Variants in HCN1 observed in about 807,000 individuals in gnomAD.
The protein encoded by HCN1 is potassium/sodium hyperpolarization-activated cyclic nucleotide-gated channel 1.
HCN1 carries 13 observed loss-of-function variants against 78.9 expected under a neutral mutation model. The observed-to-expected ratio is 0.16, with a 90% CI of 0.11 to 0.26. The LOEUF is 0.26. Among genes scored for constraint, HCN1 ranks in the 10% least tolerant of loss-of-function variants. The probability of loss-of-function intolerance (pLI) is 1.00; values close to 1 mark genes in which losing one functional copy is unlikely to be tolerated. For missense variants in HCN1, 810 were observed against 1,154.3 expected (o/e 0.70, Z 4.32); for synonymous variants, 552 against 455.5 (o/e 1.21, Z -2.70).
intron 5 of HCN1, among the ~76,000 whole-genome samples, chr5:45,349,723 C>T (rs1009929605): frequency 6.6e-5 from 10 of 151,968 alleles, no homozygotes; most frequent in Non-Finnish European, 1.2e-4. Context: ...ATACAAACTG[C>T]CCACAGAGAA....
Position 45,695,841 on chromosome 5 carries a change from C to T in HCN1, c.253G>A (p.Glu85Lys), listed in dbSNP as rs1739998877. The T allele has an allele frequency of 6.2e-7, 1 of 1,600,606 alleles. No homozygotes were observed. Among genetic ancestry groups the T allele is most frequent in the South Asian group, 1.1e-5 (1 of 90,396 alleles). The change falls in exon 1 of 8, where the codon GAG becomes AAG. Residue 85 changes from glutamate to lysine, a missense_variant. Physicochemically the swap from Glu to Lys is moderately conservative, Grantham distance 56 (BLOSUM62 1). Coordinates refer to ENST00000303230, the MANE Select transcript of HCN1 (RefSeq NM_021072.4). ...AAGCCGTACTGCCGCCGGGGCCCCT[C>T]GGCGTCTTCGAAGCCCCCCGCCGGC... ...EEPAGGFEDA[E>K]GPRRQYGFMQ...
At chr5:45,513,086 C>G (rs1742447336) in intron 2 of HCN1, among the ~76,000 whole-genome samples, 1 of 152,016 alleles carries the variant, frequency 6.6e-6, no homozygotes, top group South Asian at 2.1e-4. Flanking sequence ...CGAAGACACC[C>G]ATAGGGCGTT....
intron 3 of HCN1, among the ~76,000 whole-genome samples, chr5:45,416,669 A>G (rs898877825): frequency 2.6e-5 from 4 of 151,946 alleles, no homozygotes; most frequent in Non-Finnish European, 5.9e-5. Flanking sequence ...TTAGCCTTAG[A>G]TGTTTCCTAA....
intron 5 of HCN1, among the ~76,000 whole-genome samples, chr5:45,314,681 C>T (rs181982686): frequency 6.6e-6 from 1 of 152,134 alleles, no homozygotes; most frequent in African/African-American, 2.4e-5. Flanking sequence ...ATCTCACATG[C>T]AGAGACACAC....
intron 1 of HCN1, among the ~76,000 whole-genome samples, chr5:45,656,978 T>C (rs893373595): frequency 6.6e-6 from 1 of 152,080 alleles, no homozygotes; most frequent in Non-Finnish European, 1.5e-5. Context: ...GATATTATAC[T>C]GCATTGAAGT....
chr5:45,377,449 A>AT (rs201251463), intron 4 of HCN1, among the ~76,000 whole-genome samples: 2 of 152,006 alleles, frequency 1.3e-5, no homozygotes, highest in African/African-American at 4.8e-5. Flanking sequence ...GGTCTGATCT[A>AT]TTTTTTAATA....
intron 3 of HCN1, among the ~76,000 whole-genome samples, chr5:45,431,214 T>C (rs1740455482): frequency 6.6e-6 from 1 of 152,220 alleles, no homozygotes; most frequent in Non-Finnish European, 1.5e-5. Context: ...TACTTTTTCA[T>C]ATGCACTTGT....
intron 1 of HCN1, 121 bp from the exon 2 acceptor site, chr5:45,645,729 A>G: frequency 3.3e-6 from 2 of 598,948 alleles, no homozygotes; most frequent in East Asian, 5.6e-5. Flanking sequence ...AAATGATTTT[A>G]TTTTTTAAAA....
At chr5:45,691,306 G>A (rs889268826) in intron 1 of HCN1, among the ~76,000 whole-genome samples, 16 of 151,934 alleles carry the variant, frequency 1.1e-4, no homozygotes, top group Admixed American at 9.2e-4. Flanking sequence ...ATACCCCGAA[G>A]GAGGTTTAAA....
At chr5:45,681,647 G>A (rs1407314482) in intron 1 of HCN1, among the ~76,000 whole-genome samples, 1 of 151,858 alleles carries the variant, frequency 6.6e-6, no homozygotes, top group Non-Finnish European at 1.5e-5. Flanking sequence ...AAGCCAAGAG[G>A]AACATAATGT....
At chr5:45,351,957 A>C (rs573855968) in intron 5 of HCN1, among the ~76,000 whole-genome samples, 1 of 152,290 alleles carries the variant, frequency 6.6e-6, no homozygotes, top group Non-Finnish European at 1.5e-5. Context: ...AACATTGTGA[A>C]AGTCAGTGTG....
chr5:45,568,551 TAGA>T (rs1375342851), intron 2 of HCN1, among the ~76,000 whole-genome samples: 3 of 152,216 alleles, frequency 2.0e-5, no homozygotes, highest in Admixed American at 6.6e-5. Context: ...ATGTGTAAAG[TAGA>T]AGATTTCCCA....
intron 3 of HCN1, among the ~76,000 whole-genome samples, chr5:45,421,224 G>A (rs188811362): frequency 9.1e-4 from 138 of 152,122 alleles, no homozygotes; most frequent in Admixed American, 2.9e-3. Flanking sequence ...CACCAAGCCC[G>A]TCTAATTTTT....
At chr5:45,654,713 C>T (rs577105169) in intron 1 of HCN1, among the ~76,000 whole-genome samples, 11 of 152,198 alleles carry the variant, frequency 7.2e-5, no homozygotes, top group African/African-American at 2.6e-4. Flanking sequence ...AACTGAATGA[C>T]TGTGAGTTAC....
intron 3 of HCN1, among the ~76,000 whole-genome samples, chr5:45,454,690 A>G (rs1181913386): frequency 5.3e-5 from 8 of 152,124 alleles, no homozygotes; most frequent in African/African-American, 1.9e-4. Flanking sequence ...CTTTGGCTAT[A>G]TTATGTCAAT....
intron 2 of HCN1, among the ~76,000 whole-genome samples, chr5:45,550,210 C>T (rs551011771): frequency 5.9e-5 from 9 of 152,108 alleles, no homozygotes; most frequent in African/African-American, 9.6e-5. Context: ...ATGTTTATTG[C>T]GGCACTATTC....
chr5:45,384,754 T>C (rs1311224387), intron 4 of HCN1, among the ~76,000 whole-genome samples: 1 of 152,170 alleles, frequency 6.6e-6, no homozygotes, highest in Non-Finnish European at 1.5e-5. Flanking sequence ...CTTCTGAGAA[T>C]TTTAAGTTCA....
intron 4 of HCN1, among the ~76,000 whole-genome samples, chr5:45,372,213 A>G (rs1375481115): frequency 1.4e-5 from 1 of 70,932 alleles, no homozygotes; most frequent in Non-Finnish European, 2.3e-5. Context: ...CATATTATAT[A>G]ATATAATATA....
At chr5:45,266,015 C>A (rs1221744442) in intron 7 of HCN1, among the ~76,000 whole-genome samples, 1 of 151,342 alleles carries the variant, frequency 6.6e-6, no homozygotes, top group African/African-American at 2.4e-5. Context: ...GTCGAGCTGA[C>A]CAAAAAAAAG....
Sources: gnomAD v4.1 joint callset for allele counts (sites outside exome capture counted in the v4.1 genomes callset) on GRCh38, gnomAD v4.1.1 for gene constraint, MANE v1.5 for transcripts, NCBI Gene and HGNC (gene_info 2026-07-23, HGNC 2026-07-21) for gene names.